Variants in GRM5 observed in about 807,000 individuals in gnomAD.
The protein encoded by GRM5 is metabotropic glutamate receptor 5.
In GRM5, 19 loss-of-function variants were observed where a neutral mutation model predicts 83.1. That is an observed-to-expected ratio of 0.23 (90% CI 0.16 to 0.34). The LOEUF (loss-of-function observed/expected upper bound fraction) is 0.34. Ranked by LOEUF, GRM5 falls within the 10% of genes least tolerant of loss-of-function variation. The pLI is 1.00. For synonymous variants in GRM5, 675 were observed against 633.6 expected (o/e 1.07, Z -0.98); for missense variants, 1,160 against 1,588.3 (o/e 0.73, Z 4.58).
chr11:88,538,480 A>G (rs1167026814), intron 8 of GRM5, among the ~76,000 whole-genome samples: 1 of 152,244 alleles, frequency 6.6e-6, no homozygotes, highest in Non-Finnish European at 1.5e-5. Flanking sequence ...AAGGGTCTCC[A>G]TAGGAAACAT....
chr11:88,548,022 T>C (rs1448436013), intron 8 of GRM5, among the ~76,000 whole-genome samples: 1 of 152,084 alleles, frequency 6.6e-6, no homozygotes, highest in Non-Finnish European at 1.5e-5. Flanking sequence ...ACATAGAAGG[T>C]GAGACCAAAA....
intron 3 of GRM5, among the ~76,000 whole-genome samples, chr11:88,841,150 C>G (rs1483803015): frequency 1.3e-5 from 2 of 152,260 alleles, no homozygotes; most frequent in East Asian, 3.9e-4. Context: ...CTATTCTTTA[C>G]TAATAAATGT....
At chr11:89,026,748 C>T (rs1217287486) in intron 2 of GRM5, among the ~76,000 whole-genome samples, 3 of 152,182 alleles carry the variant, frequency 2.0e-5, no homozygotes, top group African/African-American at 7.2e-5. Context: ...ATACATTAAT[C>T]ACTCTTTCTT....
intron 3 of GRM5, among the ~76,000 whole-genome samples, chr11:88,838,227 A>G (rs1223927711): frequency 6.6e-6 from 1 of 151,648 alleles, no homozygotes; most frequent in Non-Finnish European, 1.5e-5. Context: ...ACATTTTAAT[A>G]GGGGTGTTTG....
intron 3 of GRM5, among the ~76,000 whole-genome samples, chr11:88,768,759 G>C (rs971270627): frequency 6.6e-6 from 1 of 151,928 alleles, no homozygotes; most frequent in African/African-American, 2.4e-5. Flanking sequence ...TGAAGAAAAG[G>C]CCACGTGAAG....
intron 8 of GRM5, among the ~76,000 whole-genome samples, chr11:88,543,969 C>G (rs915623820): frequency 6.6e-6 from 1 of 151,988 alleles, no homozygotes; most frequent in Admixed American, 6.6e-5. Context: ...TCTGCCCTCA[C>G]GAATGGATTA....
At chr11:88,527,978 A>G (rs1941919438) in intron 8 of GRM5, among the ~76,000 whole-genome samples, 1 of 152,048 alleles carries the variant, frequency 6.6e-6, no homozygotes, top group African/African-American at 2.4e-5. Context: ...ACTACCTACC[A>G]GATTCTATAC....
intron 3 of GRM5, among the ~76,000 whole-genome samples, chr11:88,833,365 G>T (rs1037086185): frequency 6.6e-6 from 1 of 151,972 alleles, no homozygotes; most frequent in Non-Finnish European, 1.5e-5. Context: ...ATAAATGGCC[G>T]ACAGGTACAT....
At chr11:88,673,729 T>C (rs1940249688) in intron 3 of GRM5, among the ~76,000 whole-genome samples, 1 of 151,764 alleles carries the variant, frequency 6.6e-6, no homozygotes, top group South Asian at 2.1e-4. Flanking sequence ...AGTTAGAGCA[T>C]AAGTCATATC....
rs200511999 is a variant in GRM5, at chr11:88,999,857, G to A, written c.661+47355C>T. 2.9e-4 allele frequency among the ~76,000 whole-genome samples: 44 copies of A among 152,346 alleles called. No homozygotes were observed. In the East Asian group the frequency reaches 8.5e-3, roughly 29 times the overall value. On this transcript the variant is annotated intron_variant, in intron 2 of 9. Coordinates refer to ENST00000305447, the MANE Select transcript of GRM5 (RefSeq NM_001143831.3). ...CCAACCCAAATGTCCAACAATGATA[G>A]ACTAGATTAAGAAAATGTGTCACAT... is the stretch of plus-strand genomic sequence containing the variant.
intron 2 of GRM5, among the ~76,000 whole-genome samples, chr11:88,980,775 A>G (rs1239417215): frequency 6.6e-6 from 1 of 152,082 alleles, no homozygotes; most frequent in Non-Finnish European, 1.5e-5. Context: ...GTGAGCCGAA[A>G]TCTCACCACT....
chr11:88,713,576 C>G (rs1941330463), intron 3 of GRM5, among the ~76,000 whole-genome samples: 1 of 151,944 alleles, frequency 6.6e-6, no homozygotes, highest in Non-Finnish European at 1.5e-5. Flanking sequence ...GAATATTTAC[C>G]CATCTTCTTT....
intron 2 of GRM5, among the ~76,000 whole-genome samples, chr11:88,868,193 G>C (rs2135558444): frequency 6.6e-6 from 1 of 151,898 alleles, no homozygotes; most frequent in South Asian, 2.1e-4. Context: ...TTTAGTTTCT[G>C]TCTTAGCTCT....
chr11:88,574,163 CG>C (rs1943058903), intron 7 of GRM5, among the ~76,000 whole-genome samples: 1 of 152,122 alleles, frequency 6.6e-6, no homozygotes, highest in Non-Finnish European at 1.5e-5. Flanking sequence ...TGCACACAAA[CG>C]GGTCCTCAGT....
chr11:88,947,672 A>C (rs546562698), intron 2 of GRM5, among the ~76,000 whole-genome samples: 1 of 152,136 alleles, frequency 6.6e-6, no homozygotes, highest in Non-Finnish European at 1.5e-5. Context: ...TTAATAAAAT[A>C]ATATAATCCA....
intron 3 of GRM5, among the ~76,000 whole-genome samples, chr11:88,723,147 C>CTT (rs71470776): frequency 6.8e-6 from 1 of 148,014 alleles, no homozygotes; most frequent in East Asian, 2.0e-4. Flanking sequence ...TTCAGATTGG[C>CTT]TTTTTTTTTT....
At chr11:88,957,202 G>T (rs1363946916) in intron 2 of GRM5, among the ~76,000 whole-genome samples, 1 of 152,146 alleles carries the variant, frequency 6.6e-6, no homozygotes, top group Non-Finnish European at 1.5e-5. Context: ...CACTAAGAAA[G>T]GAATGGATGC....
At chr11:88,881,814 CTAAT>C (rs1944958474) in intron 2 of GRM5, among the ~76,000 whole-genome samples, 1 of 152,034 alleles carries the variant, frequency 6.6e-6, no homozygotes, top group Non-Finnish European at 1.5e-5. Context: ...AAATTACAAA[CTAAT>C]TATTTAAAAA....
intron 8 of GRM5, among the ~76,000 whole-genome samples, chr11:88,538,563 T>C (rs1354282866): frequency 6.6e-6 from 1 of 152,228 alleles, no homozygotes; most frequent in Non-Finnish European, 1.5e-5. Context: ...CAGATAACCT[T>C]ACTATTTCTA....
Sources: gnomAD v4.1 joint callset for allele counts (sites outside exome capture counted in the v4.1 genomes callset) on GRCh38, gnomAD v4.1.1 for gene constraint, MANE v1.5 for transcripts, NCBI Gene and HGNC (gene_info 2026-07-23, HGNC 2026-07-21) for gene names.